The following ALDH8A1 variants were observed in gnomAD, a reference collection of about 807,000 sequenced individuals.
ALDH8A1 encodes the protein aldehyde dehydrogenase 8 family member A1.
Under a neutral mutation model 43.3 loss-of-function variants are expected in ALDH8A1, and 39 were observed. The ratio of observed to expected loss-of-function variants is 0.90; its 90% CI spans 0.70 to 1.18. ALDH8A1 has a LOEUF of 1.18. Among genes scored for constraint, ALDH8A1 ranks in the 50% most tolerant of loss-of-function variants. The pLI is 0.00. For missense variants in ALDH8A1, 605 were observed against 622.6 expected (o/e 0.97, Z 0.30); for synonymous variants, 233 against 243.5 (o/e 0.96, Z 0.40).
In ALDH8A1 at chr6:134,939,252, C is replaced by T. The variant is rs772726575; in HGVS notation, c.592+14G>A. ...CAACTCTGTGCCTGCCCCCCAACCC[C>T]AACACCTAATTACCTGCTTTATCCA... On this transcript the variant is annotated intron_variant, in intron 4 of 6. Coordinates refer to ENST00000265605, the MANE Select transcript of ALDH8A1 (RefSeq NM_022568.4). The T allele has an allele frequency of 3.1e-6, 5 of 1,613,100 alleles. No individual in the cohort carries two copies. Among genetic ancestry groups the T allele is most frequent in the Non-Finnish European group, 4.2e-6 (5 of 1,179,256 alleles).
At chr6:134,931,998 C>T (rs935118307) in intron 5 of ALDH8A1, among the ~76,000 whole-genome samples, 3 of 152,172 alleles carry the variant, frequency 2.0e-5, no homozygotes, top group Admixed American at 6.5e-5. Context: ...CTATGAAGTT[C>T]TAAGTCTTTG....
At chr6:134,940,802 T>A (rs148278489) in intron 3 of ALDH8A1, among the ~76,000 whole-genome samples, 1 of 152,346 alleles carries the variant, frequency 6.6e-6, no homozygotes, top group East Asian at 1.9e-4. Context: ...TATTATTAAA[T>A]TTCCCACTGA....
chr6:134,929,609 A>G (rs1776947031), intron 5 of ALDH8A1, among the ~76,000 whole-genome samples: 1 of 152,036 alleles, frequency 6.6e-6, no homozygotes, highest in African/African-American at 2.4e-5. Flanking sequence ...GGAGGTGGGG[A>G]ATTAATTCTT....
chr6:134,943,112 A>G (rs988359853), intron 2 of ALDH8A1, among the ~76,000 whole-genome samples: 1 of 152,220 alleles, frequency 6.6e-6, no homozygotes, highest in African/African-American at 2.4e-5. Context: ...TGGAACAGAA[A>G]GAGAAACAGA....
intron 5 of ALDH8A1, among the ~76,000 whole-genome samples, chr6:134,931,252 T>G (rs909253679): frequency 6.6e-6 from 1 of 151,958 alleles, no homozygotes; most frequent in Admixed American, 6.6e-5. Flanking sequence ...TGTTCAGAAT[T>G]TGTTTTGTTT....
intron 5 of ALDH8A1, among the ~76,000 whole-genome samples, chr6:134,931,072 T>G (rs1030909873): frequency 6.6e-6 from 1 of 152,168 alleles, no homozygotes; most frequent in Non-Finnish European, 1.5e-5. Context: ...ATCAAGCTGC[T>G]TTATTTATTT....
At chr6:134,932,447 G>A (rs1777000568) in intron 5 of ALDH8A1, among the ~76,000 whole-genome samples, 1 of 152,108 alleles carries the variant, frequency 6.6e-6, no homozygotes, top group Non-Finnish European at 1.5e-5. Context: ...TTTAAGAAAA[G>A]AATAAAAGAC....
At chr6:134,937,823 G>C (rs1051058295) in intron 4 of ALDH8A1, among the ~76,000 whole-genome samples, 116 of 152,270 alleles carry the variant, frequency 7.6e-4, no homozygotes, top group African/African-American at 2.6e-3. Flanking sequence ...GAGGAACATG[G>C]GAAGGGTCGG....
chr6:134,948,930 C>G (rs1338790097), intron 1 of ALDH8A1, among the ~76,000 whole-genome samples: 1 of 152,068 alleles, frequency 6.6e-6, no homozygotes, highest in East Asian at 1.9e-4. Flanking sequence ...TCATTTGAAG[C>G]AAACAAAATT....
In ALDH8A1 at chr6:134,918,567, G is replaced by T; in HGVS notation, c.1312C>A (p.Leu438Met). 6.2e-7 allele frequency: 1 copy of T among 1,614,242 alleles called. No individual in the cohort carries two copies. The highest frequency in any genetic ancestry group is 8.5e-7 in the Non-Finnish European group (1 of 1,180,056). Reference sequence around the variant, plus strand: ...TTGGTCCAGACCAAGCCAGACTGCAGCTTCTTAGCCACCCGGTGGACGCGC... The same window carrying T: ...TTGGTCCAGACCAAGCCAGACTGCATCTTCTTAGCCACCCGGTGGACGCGC... ...VGRVHRVAKK[L>M]QSGLVWTNCW... Residue 438 changes from leucine (L) to methionine (M), a missense_variant, in exon 7 of 7, where the codon CTG (leucine) becomes ATG (methionine). Transcript: ENST00000265605.
At chr6:134,945,141 ATACTT>A (rs560236196) in intron 1 of ALDH8A1, among the ~76,000 whole-genome samples, 265 of 152,210 alleles carry the variant, frequency 1.7e-3, no homozygotes, top group African/African-American at 6.1e-3. Context: ...AATATGCTAA[ATACTT>A]TACACAAATT....
chr6:134,919,963 C>T (rs1464021444), intron 6 of ALDH8A1, among the ~76,000 whole-genome samples: 1 of 152,206 alleles, frequency 6.6e-6, no homozygotes, highest in Non-Finnish European at 1.5e-5. Context: ...GGCTGCAATG[C>T]AGTGGCACCA....
In ALDH8A1 at chr6:134,918,391, T is replaced by C. The variant is rs1336090843; in HGVS notation, c.*24A>G. On this transcript the variant is annotated 3_prime_UTR_variant, in exon 7 of 7. Coordinates refer to ENST00000265605, the MANE Select transcript of ALDH8A1 (RefSeq NM_022568.4). ...GATGCCTGCAGCCAGGCATTGGCCATAGTGGCTCCACCATTAGCAAAGATC... is the reference window on the plus strand; with the variant it reads ...GATGCCTGCAGCCAGGCATTGGCCACAGTGGCTCCACCATTAGCAAAGATC... 10 of 1,603,124 alleles carry C rather than the reference T, an allele frequency of 6.2e-6. No homozygotes were observed. Among genetic ancestry groups the C allele is most frequent in the Admixed American group, 1.7e-5 (1 of 59,606 alleles).
Position 134,918,343 on chromosome 6 carries a change from TTCATCTAC to T in ALDH8A1, c.*64_*71del. 1 of 1,442,374 alleles carries T rather than the reference TTCATCTAC, an allele frequency of 6.9e-7. No homozygotes were observed. The highest frequency in any genetic ancestry group is 9.5e-7 in the Non-Finnish European group (1 of 1,053,464). The allele number at this position is 1,442,374 out of a possible 1,614,324, so 89.3% of individuals were successfully genotyped here. A position where few individuals can be genotyped will look rare whatever the true frequency, so the allele number is the denominator to read the frequency against. On this transcript the variant is annotated 3_prime_UTR_variant, in exon 7 of 7. Transcript: ENST00000265605. ...CATAGCTGGAATTCATGCCATGATT[TTCATCTAC>T]CACATTGAACAACTGATGCCTGCAG...
chr6:134,918,306 G>T lies in ALDH8A1; in HGVS notation c.*109C>A. 3 of 1,060,168 alleles carry T rather than the reference G, an allele frequency of 2.8e-6. No individual in the cohort carries two copies. The highest frequency in any genetic ancestry group is 5.1e-5 in the East Asian group (2 of 39,578). The allele number at this position is 1,060,168 out of a possible 1,614,324, so 65.7% of individuals were successfully genotyped here. On this transcript the variant is annotated 3_prime_UTR_variant, in exon 7 of 7. Coordinates refer to ENST00000265605, the MANE Select transcript of ALDH8A1 (RefSeq NM_022568.4). The stretch of plus-strand genomic sequence containing the variant: ...GAGGATAAGCTAGAGATAACCTTCT[G>T]CCAAGTCAAGGCATAGCTGGAATTC...
At chr6:134,932,393 G>A (rs1037865587) in intron 5 of ALDH8A1, among the ~76,000 whole-genome samples, 1 of 152,098 alleles carries the variant, frequency 6.6e-6, no homozygotes, top group Non-Finnish European at 1.5e-5. Flanking sequence ...ATGAGAGTAA[G>A]GTTTACTGGG....
At chr6:134,929,414 T>C (rs1439914234) in intron 5 of ALDH8A1, among the ~76,000 whole-genome samples, 199 bp from the exon 6 acceptor site, 1 of 152,102 alleles carries the variant, frequency 6.6e-6, no homozygotes, top group African/African-American at 2.4e-5. Flanking sequence ...ATAAACTCGA[T>C]AAATAATATA....
chr6:134,945,022 A>G (rs1486817559), intron 1 of ALDH8A1, among the ~76,000 whole-genome samples: 1 of 151,108 alleles, frequency 6.6e-6, no homozygotes, highest in Non-Finnish European at 1.5e-5. Context: ...CAGCTCTGAC[A>G]TATCTTATAA....
rs1260813226 is a variant in ALDH8A1, at chr6:134,950,009, A to G, written c.45T>C (p.Asp15=). Residue 15 remains aspartate, a synonymous_variant, in exon 1 of 7, where the codon GAT becomes GAC. Transcript: ENST00000265605. ...ATGAGCTACAAGGTAAAAATTTTCCATCTATGAAGTTTTCCAGCATCAAAA... is the reference window on the plus strand; with the variant it reads ...ATGAGCTACAAGGTAAAAATTTTCCGTCTATGAAGTTTTCCAGCATCAAAA... The part of the protein sequence containing the change: ...NALLMLENFI[D]GKFLPCSSYI... 1.2e-6 allele frequency: 2 copies of G among 1,612,940 alleles called. No homozygotes were observed. The highest frequency in any genetic ancestry group is 2.2e-5 in the East Asian group (1 of 44,874).
Sources: allele counts gnomAD v4.1 joint callset (sites outside exome capture counted in the v4.1 genomes callset), GRCh38; gene constraint gnomAD v4.1.1; transcripts MANE v1.5; gene names NCBI Gene and HGNC (gene_info 2026-07-23, HGNC 2026-07-21).